FGF13: variants seen among roughly 807,000 people sequenced by gnomAD.
The protein encoded by FGF13 is fibroblast growth factor homologous factor 2.
In FGF13, 2 loss-of-function variants were observed where a neutral mutation model predicts 19.5. The observed-to-expected ratio is 0.10, with a 90% CI of 0.04 to 0.32. The LOEUF (loss-of-function observed/expected upper bound fraction) is 0.32. FGF13 is among the 10% of genes least tolerant of loss of function. FGF13 has a pLI of 1.00. For missense variants in FGF13, 113 were observed against 192.7 expected (o/e 0.59, Z 2.45); for synonymous variants, 72 against 76.9 (o/e 0.94, Z 0.33).
chrX:138,816,061 TG>T (rs778460902), intron 3 of FGF13, among the ~76,000 whole-genome samples: 126 of 111,228 alleles, frequency 1.1e-3, no homozygotes, highest in Admixed American at 2.9e-4. Context: ...AAAAGATAAC[TG>T]GCAAAAGAGG....
At chrX:138,688,213 T>C (rs1440495880) in intron 3 of FGF13, among the ~76,000 whole-genome samples, 1 of 109,887 alleles carries the variant, frequency 9.1e-6, no homozygotes, top group African/African-American at 3.3e-5. Flanking sequence ...TCTGCCCACC[T>C]GGGCCTCTCA....
At chrX:138,840,174 A>C (rs1238599877) in intron 3 of FGF13, among the ~76,000 whole-genome samples, 1 of 112,150 alleles carries the variant, frequency 8.9e-6, no homozygotes, top group African/African-American at 3.2e-5. Context: ...GCTATTCATT[A>C]AATTCCTCCA....
chrX:138,730,208 G>A (rs2124287986), intron 1 of FGF13, among the ~76,000 whole-genome samples: 1 of 110,589 alleles, frequency 9.0e-6, no homozygotes, highest in African/African-American at 3.3e-5. Context: ...GGGGGGAAGG[G>A]ATAGCATTAG....
At chrX:139,172,677 T>C (rs1302270064) in intron 1 of FGF13, among the ~76,000 whole-genome samples, 1 of 112,061 alleles carries the variant, frequency 8.9e-6, no homozygotes, top group Non-Finnish European at 1.9e-5. Flanking sequence ...CCAAACCCTA[T>C]GGCAGAACTC....
intron 3 of FGF13, among the ~76,000 whole-genome samples, chrX:138,643,086 G>A (rs1422196725): frequency 9.0e-6 from 1 of 111,655 alleles, no homozygotes; most frequent in East Asian, 2.8e-4. Context: ...TTTCTCCTTA[G>A]TTCTTCACAA....
chrX:138,753,254 G>C (rs2090409731), intron 3 of FGF13, among the ~76,000 whole-genome samples: 1 of 112,022 alleles, frequency 8.9e-6, no homozygotes, highest in Admixed American at 9.5e-5. Flanking sequence ...TACTTATCTG[G>C]AGTGCTGTGT....
At chrX:138,951,953 C>A (rs1337842041) in intron 1 of FGF13, among the ~76,000 whole-genome samples, 6 of 111,633 alleles carry the variant, frequency 5.4e-5, no homozygotes, top group African/African-American at 2.0e-4. Flanking sequence ...GAAGAACATT[C>A]CATGCTCATA....
At chrX:138,892,002 ATGTGTGTGTG>A (rs3077315) in intron 1 of FGF13, among the ~76,000 whole-genome samples, 5 of 90,368 alleles carry the variant, frequency 5.5e-5, no homozygotes, top group Non-Finnish European at 8.6e-5. Context: ...ATATATACAT[ATGTGTGTGTG>A]TGTGTGTGTG....
At chrX:138,899,491 C>T (rs1415668046) in intron 1 of FGF13, among the ~76,000 whole-genome samples, 3 of 111,125 alleles carry the variant, frequency 2.7e-5, no homozygotes, top group African/African-American at 6.6e-5. Context: ...GCACAATTCT[C>T]TCCATTTCTT....
chrX:138,971,256 G>A (rs936705057), intron 1 of FGF13, among the ~76,000 whole-genome samples: 3 of 111,779 alleles, frequency 2.7e-5, no homozygotes, highest in Non-Finnish European at 5.6e-5. Context: ...CTGTTAAATG[G>A]GAACAGTATC....
At chrX:138,654,778 T>C (rs1437956209) in intron 3 of FGF13, among the ~76,000 whole-genome samples, 4 of 110,887 alleles carry the variant, frequency 3.6e-5, no homozygotes, top group Non-Finnish European at 7.6e-5. Context: ...CATACATACA[T>C]AAATAGCGGG....
intron 2 of FGF13, among the ~76,000 whole-genome samples, chrX:138,860,494 T>G (rs991399637): frequency 2.6e-4 from 29 of 111,891 alleles, no homozygotes; most frequent in African/African-American, 8.8e-4. Flanking sequence ...TTCTGCCATT[T>G]TACCCAATCT....
intron 1 of FGF13, among the ~76,000 whole-genome samples, chrX:139,024,739 G>C (rs990975381): frequency 5.4e-5 from 6 of 111,669 alleles, no homozygotes; most frequent in African/African-American, 2.0e-4. Flanking sequence ...GGGATTTCAA[G>C]TGAAGACTGC....
At chrX:139,197,993 CAAAAAAAAA>C (rs57335781) in intron 1 of FGF13, among the ~76,000 whole-genome samples, 2 of 23,296 alleles carry the variant, frequency 8.6e-5, no homozygotes, top group African/African-American at 2.9e-4. Context: ...GACCCTACCT[CAAAAAAAAA>C]AAAAAAAAAA....
intron 1 of FGF13, among the ~76,000 whole-genome samples, chrX:139,099,377 C>CAAAAAAAAAAAAA (rs59882808): frequency 8.2e-4 from 27 of 32,884 alleles, no homozygotes; most frequent in Non-Finnish European, 1.1e-3. Context: ...GTTTCTATCT[C>CAAAAAAAAAAAAA]AAAAAAAAAA....
chrX:138,812,044 C>T (rs1365938945), intron 3 of FGF13, among the ~76,000 whole-genome samples: 1 of 109,979 alleles, frequency 9.1e-6, no homozygotes, highest in African/African-American at 3.3e-5. Flanking sequence ...CAAAAAGAAA[C>T]CCCATACCCA....
At chrX:138,997,041 G>T (rs1374067939) in intron 1 of FGF13, among the ~76,000 whole-genome samples, 1 of 112,300 alleles carries the variant, frequency 8.9e-6, no homozygotes, top group Non-Finnish European at 1.9e-5. Context: ...GGCAAACAGG[G>T]TTGGGAGTGG....
chrX:138,713,128 G>T (rs2090070447), upstream of FGF13, among the ~76,000 whole-genome samples: 1 of 112,257 alleles, frequency 8.9e-6, no homozygotes, highest in South Asian at 3.7e-4. Context: ...GATGCCAAAG[G>T]GTCTGACATT....
chrX:138,876,838 G>T (rs1441908642), intron 1 of FGF13, among the ~76,000 whole-genome samples: 2 of 112,084 alleles, frequency 1.8e-5, no homozygotes, highest in Non-Finnish European at 3.8e-5. Flanking sequence ...TCTCTATGTG[G>T]TCTATAAAGA....
Sources: gnomAD v4.1 joint callset for allele counts (sites outside exome capture counted in the v4.1 genomes callset) on GRCh38, gnomAD v4.1.1 for gene constraint, MANE v1.5 for transcripts, NCBI Gene and HGNC (gene_info 2026-07-23, HGNC 2026-07-21) for gene names.